The following CLSTN2 variants were observed in gnomAD, a reference collection of about 807,000 sequenced individuals.
CLSTN2 encodes the protein calsyntenin-2.
Under a neutral mutation model 101.2 loss-of-function variants are expected in CLSTN2, and 48 were observed. The ratio of observed to expected loss-of-function variants is 0.47; its 90% CI spans 0.38 to 0.60. The LOEUF (loss-of-function observed/expected upper bound fraction) is 0.60. CLSTN2 is among the 20% of genes least tolerant of loss of function. The pLI, the probability that CLSTN2 is intolerant of heterozygous loss-of-function variation, is 0.00. For missense variants in CLSTN2, 1,160 were observed against 1,238.2 expected, an observed-to-expected ratio of 0.94 and a Z score of 0.95; for synonymous variants, 481 against 463.6, an observed-to-expected ratio of 1.04 and a Z score of -0.48.
intron 1 of CLSTN2, among the ~76,000 whole-genome samples, chr3:140,087,487 G>C (rs911307402): frequency 6.6e-6 from 1 of 152,126 alleles, no homozygotes; most frequent in African/African-American, 2.4e-5. Flanking sequence ...CTACCTCCTA[G>C]CATCTTTCTC....
chr3:140,323,905 A>G (rs115322304), intron 2 of CLSTN2, among the ~76,000 whole-genome samples: 3,203 of 152,294 alleles, frequency 0.021, 45 homozygotes, highest in South Asian at 0.06. Context: ...TCTTCACAAC[A>G]TGGCTGCAAC....
At chr3:140,399,382 T>C (rs1363845232) in intron 2 of CLSTN2, among the ~76,000 whole-genome samples, 1 of 152,240 alleles carries the variant, frequency 6.6e-6, no homozygotes, top group African/African-American at 2.4e-5. Flanking sequence ...CTGTTTTAAA[T>C]ATCTTTCTAT....
chr3:140,001,764 A>G (rs2107747761), intron 1 of CLSTN2, among the ~76,000 whole-genome samples: 1 of 148,888 alleles, frequency 6.7e-6, no homozygotes, highest in Non-Finnish European at 1.5e-5. Flanking sequence ...CTCCTTCCCC[A>G]CCCTCTTACT....
chr3:140,257,313 T>C (rs2086612248), intron 2 of CLSTN2, among the ~76,000 whole-genome samples: 1 of 152,022 alleles, frequency 6.6e-6, no homozygotes, highest in Non-Finnish European at 1.5e-5. Flanking sequence ...AAGTGGAAAA[T>C]CATGACACTG....
At chr3:140,199,398 TA>T (rs978716044) in intron 2 of CLSTN2, among the ~76,000 whole-genome samples, 25 of 152,018 alleles carry the variant, frequency 1.6e-4, no homozygotes, top group Admixed American at 1.2e-3. Flanking sequence ...CTTCACCCCT[TA>T]AAAAAAATTA....
intron 10 of CLSTN2, among the ~76,000 whole-genome samples, chr3:140,546,995 T>C (rs1415593832): frequency 6.6e-6 from 1 of 152,232 alleles, no homozygotes; most frequent in African/African-American, 2.4e-5. Context: ...TGTGCGTTAG[T>C]TGGCTGCTCT....
chr3:140,157,111 A>G (rs1209453889), intron 1 of CLSTN2, among the ~76,000 whole-genome samples: 1 of 152,140 alleles, frequency 6.6e-6, no homozygotes, highest in Non-Finnish European at 1.5e-5. Flanking sequence ...GCTGCTCAGA[A>G]CTATTCAATC....
intron 8 of CLSTN2, among the ~76,000 whole-genome samples, chr3:140,498,784 C>T (rs1329245056): frequency 6.6e-6 from 1 of 152,148 alleles, no homozygotes; most frequent in Non-Finnish European, 1.5e-5. Flanking sequence ...TTGTCACCAC[C>T]TCTTTACCAC....
intron 8 of CLSTN2, among the ~76,000 whole-genome samples, chr3:140,515,616 G>A (rs1018098778): frequency 1.9e-4 from 29 of 151,844 alleles, no homozygotes; most frequent in Admixed American, 9.2e-4. Flanking sequence ...TCTTGATTTC[G>A]TTGTTTACCC....
intron 1 of CLSTN2, among the ~76,000 whole-genome samples, chr3:140,025,211 C>T (rs1304705994): frequency 6.6e-6 from 1 of 152,186 alleles, no homozygotes; most frequent in Non-Finnish European, 1.5e-5. Flanking sequence ...CTCTTGGATA[C>T]ATCAGAAATG....
At chr3:140,174,085 T>C (rs2010284223) in intron 1 of CLSTN2, among the ~76,000 whole-genome samples, 1 of 152,208 alleles carries the variant, frequency 6.6e-6, no homozygotes, top group Non-Finnish European at 1.5e-5. Context: ...TTCAAACTTA[T>C]CTGCTCTGTT....
At chr3:140,523,259 T>C (rs992212456) in intron 8 of CLSTN2, among the ~76,000 whole-genome samples, 1 of 152,152 alleles carries the variant, frequency 6.6e-6, no homozygotes, top group African/African-American at 2.4e-5. Context: ...AGACAGTCCT[T>C]TGAAGCTTCA....
chr3:140,397,418 C>T (rs992964322), intron 2 of CLSTN2, among the ~76,000 whole-genome samples: 9 of 152,122 alleles, frequency 5.9e-5, no homozygotes, highest in African/African-American at 1.7e-4. Context: ...TAGGTAAAAA[C>T]GAATCTGAAA....
At chr3:139,984,340 G>A (rs1424986200) in intron 1 of CLSTN2, among the ~76,000 whole-genome samples, 1 of 152,174 alleles carries the variant, frequency 6.6e-6, no homozygotes, top group Non-Finnish European at 1.5e-5. Flanking sequence ...TGCTTCAGGA[G>A]ATGAGAGCAC....
chr3:140,567,528 T>A lies in CLSTN2; in HGVS notation c.*1275T>A, dbSNP rs1004537283. On this transcript the variant is annotated 3_prime_UTR_variant, in exon 17 of 17. Transcript: ENST00000458420. ...GATAAGGAAATCTTTTCCATCTCCA[T>A]CCTAACATGCACAACCTGTGAAGAG... is the stretch of plus-strand genomic sequence containing the variant. The A allele has an allele frequency of 6.6e-6, 1 of 152,208 alleles. No homozygotes were observed. The highest frequency in any genetic ancestry group is 1.5e-5 in the Non-Finnish European group (1 of 68,038). The allele number at this position is 152,208 out of a possible 1,614,324, so 9.4% of individuals were successfully genotyped here.
intron 1 of CLSTN2, among the ~76,000 whole-genome samples, chr3:139,944,405 A>G (rs1221411761): frequency 2.6e-5 from 4 of 152,218 alleles, no homozygotes; most frequent in African/African-American, 9.6e-5. Flanking sequence ...CTGGGAATCT[A>G]TGTGAAGCTC....
chr3:140,477,225 T>A (rs111812712), intron 8 of CLSTN2, among the ~76,000 whole-genome samples: 1 of 152,312 alleles, frequency 6.6e-6, no homozygotes, highest in Non-Finnish European at 1.5e-5. Context: ...TTACTACTCA[T>A]TAGTTTAGCT....
intron 1 of CLSTN2, among the ~76,000 whole-genome samples, chr3:140,073,929 G>C (rs2008440236): frequency 6.6e-6 from 1 of 152,136 alleles, no homozygotes; most frequent in Non-Finnish European, 1.5e-5. Context: ...ATTCTGCCCT[G>C]CCCCTGTGAA....
intron 1 of CLSTN2, among the ~76,000 whole-genome samples, chr3:140,159,928 G>A (rs1431323725): frequency 1.3e-5 from 2 of 152,104 alleles, no homozygotes; most frequent in Non-Finnish European, 2.9e-5. Context: ...ATGAAATACT[G>A]TATGATCTCA....
Sources: allele counts gnomAD v4.1 joint callset (sites outside exome capture counted in the v4.1 genomes callset), GRCh38; gene constraint gnomAD v4.1.1; transcripts MANE v1.5; gene names NCBI Gene and HGNC (gene_info 2026-07-23, HGNC 2026-07-21).